GRM7: variants seen among roughly 807,000 people sequenced by gnomAD.
The protein encoded by GRM7 is glutamate metabotropic receptor 7.
In GRM7, 35 loss-of-function variants were observed where a neutral mutation model predicts 84.5. The observed-to-expected ratio is 0.41, with a 90% CI of 0.32 to 0.55. GRM7 has a LOEUF of 0.55. Among genes scored for constraint, GRM7 ranks in the 20% least tolerant of loss-of-function variants. The probability of loss-of-function intolerance (pLI) is 0.19; values close to 1 mark genes in which losing one functional copy is unlikely to be tolerated. For missense variants in GRM7, 1,003 were observed against 1,194.6 expected, an observed-to-expected ratio of 0.84 and a Z score of 2.36; for synonymous variants, 487 against 455.1, an observed-to-expected ratio of 1.07 and a Z score of -0.89.
intron 9 of GRM7, among the ~76,000 whole-genome samples, chr3:7,689,885 C>T (rs1293823170): frequency 1.3e-5 from 2 of 152,102 alleles, no homozygotes; most frequent in African/African-American, 2.4e-5. Flanking sequence ...GGGACAATGC[C>T]TTCAGGGAGC....
chr3:7,031,111 C>T (rs979227939), intron 1 of GRM7, among the ~76,000 whole-genome samples: 4 of 152,126 alleles, frequency 2.6e-5, no homozygotes, highest in African/African-American at 9.7e-5. Flanking sequence ...ATACCGTTCT[C>T]CTCATTTTAC....
At position 7,261,929 on chromosome 3, in the gene GRM7, C is replaced by CCCTCCCTCCCTTCCTCCCTTCCTTT. The variant is rs1274914884; in HGVS notation, c.737-36750_737-36749insCTCCCTTCCTCCCTTCCTTTCCTCC. Among the ~76,000 whole-genome samples, 1,122 of 123,576 alleles carry CCCTCCCTCCCTTCCTCCCTTCCTTT rather than the reference C, an allele frequency of 9.1e-3. 22 individuals carry two copies. The highest frequency in any genetic ancestry group is 0.078 in the East Asian group (281 of 3,620). The allele number at this position is 123,576 out of a possible 152,430, so 81.1% of individuals were successfully genotyped here. A position where few individuals can be genotyped will look rare whatever the true frequency, so the allele number is the denominator to read the frequency against. ...CCCTCCCTCCCTTCCTCCCTTCCTT[C>CCCTCCCTCCCTTCCTCCCTTCCTTT]CCTCCTTCCCTCCTTCCTTTCTTTG... On this transcript the variant is annotated intron_variant, in intron 2 of 9. Coordinates refer to ENST00000357716, the MANE Select transcript of GRM7 (RefSeq NM_000844.4).
chr3:7,445,491 G>A (rs1242335058), intron 5 of GRM7, among the ~76,000 whole-genome samples: 3 of 152,142 alleles, frequency 2.0e-5, no homozygotes, highest in East Asian at 1.9e-4. Context: ...ACGTGCTGCG[G>A]GTGGTGCTGT....
chr3:6,956,175 C>G (rs1315818514), intron 1 of GRM7, among the ~76,000 whole-genome samples: 1 of 152,220 alleles, frequency 6.6e-6, no homozygotes, highest in Non-Finnish European at 1.5e-5. Context: ...AAATAACTCT[C>G]TAAGGCAGGG....
chr3:7,180,702 C>G (rs1695307158), intron 2 of GRM7, among the ~76,000 whole-genome samples: 1 of 152,104 alleles, frequency 6.6e-6, no homozygotes, highest in Non-Finnish European at 1.5e-5. Flanking sequence ...TTACATCTTT[C>G]CTCTCTCTTA....
chr3:7,368,053 G>A (rs1693980970), intron 4 of GRM7, among the ~76,000 whole-genome samples: 1 of 151,070 alleles, frequency 6.6e-6, no homozygotes, highest in Non-Finnish European at 1.5e-5. Flanking sequence ...AAGAATCCAA[G>A]AAATAATGTC....
At chr3:7,577,802 T>C (rs1695036291) in intron 7 of GRM7, among the ~76,000 whole-genome samples, 1 of 152,172 alleles carries the variant, frequency 6.6e-6, no homozygotes, top group Non-Finnish European at 1.5e-5. Flanking sequence ...GCCCCACTTC[T>C]CCCCTGTGAT....
At chr3:6,898,195 C>T (rs1696256726) in intron 1 of GRM7, among the ~76,000 whole-genome samples, 1 of 152,138 alleles carries the variant, frequency 6.6e-6, no homozygotes, top group African/African-American at 2.4e-5. Context: ...ACTTGTCGTT[C>T]TCATGTGATG....
chr3:6,904,878 C>T (rs999471747), intron 1 of GRM7, among the ~76,000 whole-genome samples: 1 of 151,978 alleles, frequency 6.6e-6, no homozygotes, highest in Non-Finnish European at 1.5e-5. Flanking sequence ...ATAGCACCCT[C>T]CTTGGATAAT....
intron 1 of GRM7, among the ~76,000 whole-genome samples, chr3:6,973,768 A>G (rs1267792693): frequency 1.3e-5 from 2 of 152,226 alleles, no homozygotes; most frequent in East Asian, 3.9e-4. Flanking sequence ...ATGTGGTTTG[A>G]GTGCTTGAGC....
intron 1 of GRM7, among the ~76,000 whole-genome samples, chr3:7,113,145 A>C (rs938934260): frequency 6.6e-6 from 1 of 152,206 alleles, no homozygotes; most frequent in Non-Finnish European, 1.5e-5. Flanking sequence ...AACACACTTA[A>C]AAATCATTGT....
chr3:7,175,173 T>G (rs930624219), intron 2 of GRM7, among the ~76,000 whole-genome samples: 1 of 152,238 alleles, frequency 6.6e-6, no homozygotes, highest in African/African-American at 2.4e-5. Context: ...TCTTGAAGAC[T>G]TGAATGGAAA....
rs375735119 is a variant in GRM7, at chr3:7,680,045, C to T, written c.2452-4C>T. On this transcript the variant is annotated splice_region_variant and splice_polypyrimidine_tract_variant and intron_variant, in intron 8 of 9. Coordinates refer to ENST00000357716, the MANE Select transcript of GRM7 (RefSeq NM_000844.4). ...AATAGTGCCTTGTGTGTTGTGTCTC[C>T]TAGCTCTACATACAAACTACCACGC... 1.9e-5 allele frequency: 30 copies of T among 1,613,774 alleles called. No homozygotes were observed. In the African/African-American group the frequency reaches 4.0e-4, roughly 22 times the overall value.
chr3:6,943,157 A>C (rs58656110), intron 1 of GRM7, among the ~76,000 whole-genome samples: 1 of 151,792 alleles, frequency 6.6e-6, no homozygotes, highest in African/African-American at 2.4e-5. Context: ...AGCTGGCAGC[A>C]TATCTTTTTG....
chr3:7,041,448 A>G (rs1170221088), intron 1 of GRM7, among the ~76,000 whole-genome samples: 1 of 151,976 alleles, frequency 6.6e-6, no homozygotes, highest in Non-Finnish European at 1.5e-5. Context: ...CTGCAGATGC[A>G]TGTATTAATA....
intron 7 of GRM7, among the ~76,000 whole-genome samples, chr3:7,559,739 G>C (rs1369047456): frequency 6.6e-6 from 1 of 152,064 alleles, no homozygotes; most frequent in Non-Finnish European, 1.5e-5. Context: ...ATCAGCTAGG[G>C]CTGCCATAAC....
intron 7 of GRM7, among the ~76,000 whole-genome samples, chr3:7,469,508 G>A (rs1021381787): frequency 1.3e-5 from 2 of 152,172 alleles, no homozygotes; most frequent in Non-Finnish European, 2.9e-5. Flanking sequence ...AGTTATCATT[G>A]GCCATTTATT....
At chr3:7,475,368 G>A (rs1698880111) in intron 7 of GRM7, among the ~76,000 whole-genome samples, 1 of 152,102 alleles carries the variant, frequency 6.6e-6, no homozygotes, top group Admixed American at 6.6e-5. Flanking sequence ...CTGGCTTTTG[G>A]AAATTGCCCT....
intron 1 of GRM7, among the ~76,000 whole-genome samples, chr3:7,038,699 A>G (rs1696477247): frequency 1.3e-5 from 2 of 152,184 alleles, no homozygotes; most frequent in South Asian, 2.1e-4. Flanking sequence ...TGTTACAAGC[A>G]TGGTTCTAAT....
Sources: allele counts gnomAD v4.1 joint callset (sites outside exome capture counted in the v4.1 genomes callset), GRCh38; gene constraint gnomAD v4.1.1; transcripts MANE v1.5; gene names NCBI Gene and HGNC (gene_info 2026-07-23, HGNC 2026-07-21).